Variants in NCKAP5 observed in about 807,000 individuals in gnomAD.
The protein encoded by NCKAP5 is nck-associated protein 5.
NCKAP5 carries 92 observed loss-of-function variants against 167.0 expected under a neutral mutation model. That is an observed-to-expected ratio of 0.55 (90% confidence interval 0.47 to 0.66). NCKAP5 has a LOEUF of 0.66. Ranked by LOEUF, NCKAP5 falls within the 30% of genes least tolerant of loss-of-function variation. NCKAP5 has a pLI of 0.00. For synonymous variants in NCKAP5, 891 were observed against 877.4 expected, an observed-to-expected ratio of 1.02 and a Z score of -0.27; for missense variants, 2,378 against 2,315.0, an observed-to-expected ratio of 1.03 and a Z score of -0.56.
In NCKAP5 at chr2:133,334,738, G is replaced by A. The variant is rs771173726; in HGVS notation, c.70-31628C>T. Reference sequence around the variant, plus strand: ...TGCTGCCCGTTTTAACGGTGGAATCGCAGTAATGAAGCATGTGGAGCAGCA... The same window carrying A: ...TGCTGCCCGTTTTAACGGTGGAATCACAGTAATGAAGCATGTGGAGCAGCA... On this transcript the variant is annotated intron_variant, in intron 3 of 19. Transcript: ENST00000409261. Among the ~76,000 whole-genome samples the A allele has an allele frequency of 7.9e-5, 12 of 152,256 alleles. No homozygotes were observed. The South Asian group carries it at 1.9e-3, about 24-fold the overall frequency.
chr2:132,806,083 A>G (rs1428921559), intron 11 of NCKAP5, among the ~76,000 whole-genome samples: 1 of 152,188 alleles, frequency 6.6e-6, no homozygotes, highest in African/African-American at 2.4e-5. Flanking sequence ...AATCTCATCC[A>G]GGTCACTGCA....
At chr2:133,443,752 T>C (rs1484085476) in intron 3 of NCKAP5, among the ~76,000 whole-genome samples, 1 of 152,174 alleles carries the variant, frequency 6.6e-6, no homozygotes, top group Admixed American at 6.5e-5. Flanking sequence ...TAGAGCTGTT[T>C]TCTCTACTGG....
chr2:133,349,901 A>G (rs1454606186), intron 3 of NCKAP5, among the ~76,000 whole-genome samples: 1 of 152,162 alleles, frequency 6.6e-6, no homozygotes, highest in Non-Finnish European at 1.5e-5. Context: ...ACCAGGGTAA[A>G]CTTAATTATA....
At chr2:132,884,930 C>T (rs1421461156) in intron 8 of NCKAP5, among the ~76,000 whole-genome samples, 2 of 152,278 alleles carry the variant, frequency 1.3e-5, no homozygotes, top group Non-Finnish European at 2.9e-5. Context: ...CATTACTTGC[C>T]TCACGTTTAC....
At chr2:133,188,693 G>A (rs577528613) in intron 5 of NCKAP5, among the ~76,000 whole-genome samples, 8 of 152,040 alleles carry the variant, frequency 5.3e-5, no homozygotes, top group South Asian at 4.2e-4. Flanking sequence ...TACTGGGTAC[G>A]TAATGAAATG....
At chr2:132,725,866 C>A (rs1181450365) in intron 18 of NCKAP5, 107 bp from the exon 19 acceptor site, 3 of 1,210,418 alleles carry the variant, frequency 2.5e-6, no homozygotes, top group Non-Finnish European at 3.5e-6. Context: ...AATGTGTGCA[C>A]AGAATTCCAT....
intron 9 of NCKAP5, among the ~76,000 whole-genome samples, chr2:132,877,741 A>G (rs1691392744): frequency 6.6e-6 from 1 of 152,162 alleles, no homozygotes; most frequent in African/African-American, 2.4e-5. Context: ...AGATCATCCC[A>G]TTGACTTCTG....
chr2:132,871,182 A>C (rs1382473906), intron 9 of NCKAP5, among the ~76,000 whole-genome samples: 1 of 152,194 alleles, frequency 6.6e-6, no homozygotes, highest in Non-Finnish European at 1.5e-5. Context: ...AACAGTGATA[A>C]ATGTTATCCA....
intron 6 of NCKAP5, among the ~76,000 whole-genome samples, chr2:133,014,929 C>T (rs148719492): frequency 6.6e-6 from 1 of 152,278 alleles, no homozygotes; most frequent in East Asian, 1.9e-4. Flanking sequence ...TATTTGATCA[C>T]AATTGACCTA....
chr2:133,656,069 C>G, the NCKAP5 span, among the ~76,000 whole-genome samples: 4 of 152,192 alleles, frequency 2.6e-5, no homozygotes, highest in African/African-American at 9.7e-5. Context: ...TTATCTCCCT[C>G]TCCCTGTTCA....
At chr2:132,860,278 T>C (rs1689792432) in intron 11 of NCKAP5, among the ~76,000 whole-genome samples, 1 of 152,208 alleles carries the variant, frequency 6.6e-6, no homozygotes, top group African/African-American at 2.4e-5. Flanking sequence ...TGCCTGTTTA[T>C]TATTTGTTAG....
chr2:133,634,624 A>G, the NCKAP5 span, among the ~76,000 whole-genome samples: 14,449 of 152,234 alleles, frequency 0.095, 782 homozygotes, highest in African/African-American at 0.12. Context: ...TCATTTCTAA[A>G]TATAGAAACA....
intron 3 of NCKAP5, among the ~76,000 whole-genome samples, chr2:133,405,357 C>G (rs1688358322): frequency 6.6e-6 from 1 of 152,228 alleles, no homozygotes; most frequent in Non-Finnish European, 1.5e-5. Flanking sequence ...ACATCACAGC[C>G]TTCGTGCACT....
intron 4 of NCKAP5, among the ~76,000 whole-genome samples, chr2:133,273,237 G>C (rs2089592643): frequency 1.3e-5 from 2 of 152,174 alleles, no homozygotes; most frequent in African/African-American, 4.8e-5. Context: ...AGTCATGCTA[G>C]AGGATATAAA....
chr2:132,722,011 G>A (rs921507926), intron 19 of NCKAP5, among the ~76,000 whole-genome samples: 41 of 152,206 alleles, frequency 2.7e-4, no homozygotes, highest in African/African-American at 8.7e-4. Flanking sequence ...TGAGTTGACA[G>A]AGAAAAATAT....
chr2:132,933,779 T>C (rs1056391533), intron 8 of NCKAP5, among the ~76,000 whole-genome samples: 2 of 152,172 alleles, frequency 1.3e-5, no homozygotes, highest in Non-Finnish European at 2.9e-5. Flanking sequence ...CTCATTATGA[T>C]GATTGTACTG....
the NCKAP5 span, among the ~76,000 whole-genome samples, chr2:133,585,283 T>A: frequency 4.5e-4 from 68 of 152,202 alleles, no homozygotes; most frequent in Non-Finnish European, 7.8e-4. Flanking sequence ...CATACAGGTT[T>A]CATTACATCA....
At chr2:133,501,221 C>T (rs1575067742) in intron 3 of NCKAP5, among the ~76,000 whole-genome samples, 2 of 152,268 alleles carry the variant, frequency 1.3e-5, no homozygotes, top group East Asian at 3.9e-4. Flanking sequence ...ATTTACCCGT[C>T]AAGCATTTAC....
chr2:132,923,712 C>T (rs1454896762), intron 8 of NCKAP5, among the ~76,000 whole-genome samples: 1 of 152,064 alleles, frequency 6.6e-6, no homozygotes, highest in Non-Finnish European at 1.5e-5. Flanking sequence ...TTCATTTTTA[C>T]CTCAGATCTT....
Sources: allele counts gnomAD v4.1 joint callset (sites outside exome capture counted in the v4.1 genomes callset), GRCh38; gene constraint gnomAD v4.1.1; transcripts MANE v1.5; gene names NCBI Gene and HGNC (gene_info 2026-07-23, HGNC 2026-07-21).